The following SLCO1C1 variants were observed in gnomAD, a reference collection of about 807,000 sequenced individuals.
The protein encoded by SLCO1C1 is solute carrier organic anion transporter family member 1C1.
SLCO1C1 carries 70 observed loss-of-function variants against 76.4 expected under a neutral mutation model. That is an observed-to-expected ratio of 0.92 (90% CI 0.76 to 1.12). The LOEUF is 1.12. Ranked by LOEUF, SLCO1C1 falls within the 50% of genes most tolerant of loss-of-function variation. The pLI, the probability that SLCO1C1 is intolerant of heterozygous loss-of-function variation, is 0.00. For missense variants in SLCO1C1, 912 were observed against 823.8 expected, an observed-to-expected ratio of 1.11 and a Z score of -1.31; for synonymous variants, 306 against 286.1, an observed-to-expected ratio of 1.07 and a Z score of -0.70.
chr12:20,713,204 C>G (rs1163532062), intron 5 of SLCO1C1, among the ~76,000 whole-genome samples: 1 of 151,414 alleles, frequency 6.6e-6, no homozygotes, highest in African/African-American at 2.4e-5. Flanking sequence ...CTCAGCCTCC[C>G]GAGTAGCTGG....
intron 12 of SLCO1C1, 76 bp downstream of exon 12, chr12:20,740,444 G>A (rs923516755): frequency 2.9e-6 from 4 of 1,369,280 alleles, no homozygotes; most frequent in Non-Finnish European, 2.0e-6. Flanking sequence ...ATTTTTTTCT[G>A]TGGAGTCTAT....
At chr12:20,738,920 A>T (rs1334283762) in intron 11 of SLCO1C1, among the ~76,000 whole-genome samples, 1 of 152,200 alleles carries the variant, frequency 6.6e-6, no homozygotes, top group East Asian at 1.9e-4. Context: ...ATTACAAAAA[A>T]TCTATATTGC....
In SLCO1C1 at chr12:20,739,284, A is replaced by C. The variant is rs566279898; in HGVS notation, c.1549-900A>C. On this transcript the variant is annotated intron_variant, in intron 11 of 14. Transcript: ENST00000266509. ...CATGGAGGTTACATTCTGTTGGGAA[A>C]GTATGTTTTAAAAATAAGTAAATAC... is the stretch of plus-strand genomic sequence containing the variant. Among the ~76,000 whole-genome samples, 4 of 152,192 alleles carry C rather than the reference A, an allele frequency of 2.6e-5. No individual in the cohort carries two copies. In the South Asian group the frequency reaches 6.2e-4, roughly 24 times the overall value.
intron 9 of SLCO1C1, among the ~76,000 whole-genome samples, chr12:20,724,125 C>T (rs1947814482): frequency 1.3e-5 from 2 of 151,898 alleles, no homozygotes; most frequent in Middle Eastern, 6.8e-3. Flanking sequence ...GGTTACGTTA[C>T]TGAACATTTT....
intron 8 of SLCO1C1, 148 bp from the exon 9 acceptor site, chr12:20,722,942 T>C: frequency 1.5e-6 from 1 of 660,788 alleles, no homozygotes; most frequent in Non-Finnish European, 2.5e-6. Flanking sequence ...TGGCTTACTA[T>C]ATACATAGTG....
chr12:20,750,706 TTTGATTGA>T lies in SLCO1C1; in HGVS notation c.1832_1839del (p.Leu611TyrfsTer9). On this transcript the variant is annotated frameshift_variant, in exon 14 of 15. Transcript: ENST00000266509. LOFTEE classifies it high-confidence loss of function. ...TCCCAGCTCCAGTGTATTTTGGAGT[TTTGATTGA>T]TACTTCATGCCTCAAATGGGGATTT... 1 of 1,614,046 alleles carries T rather than the reference TTTGATTGA, an allele frequency of 6.2e-7. No homozygotes were observed. Among genetic ancestry groups the T allele is most frequent in the Non-Finnish European group, 8.5e-7 (1 of 1,179,920 alleles).
At chr12:20,717,551 T>C (rs1338465212) in intron 7 of SLCO1C1, among the ~76,000 whole-genome samples, 1 of 151,108 alleles carries the variant, frequency 6.6e-6, no homozygotes, top group Non-Finnish European at 1.5e-5. Flanking sequence ...GCTTCAGGTG[T>C]GTCAACATTT....
intron 7 of SLCO1C1, among the ~76,000 whole-genome samples, chr12:20,720,131 G>A (rs1947584158): frequency 6.6e-6 from 1 of 152,142 alleles, no homozygotes. Context: ...CTGAATGACA[G>A]CACATCTTTT....
In SLCO1C1 at chr12:20,711,439, C is replaced by T. The variant is rs181627657; in HGVS notation, c.458C>T (p.Pro153Leu). 2.9e-5 allele frequency: 47 copies of T among 1,613,700 alleles called. No homozygotes were observed. Among genetic ancestry groups the T allele is most frequent in the Admixed American group, 6.7e-5 (4 of 59,998 alleles). The change falls in exon 5 of 15, where the codon CCG (proline) becomes CTG (leucine). Residue 153 changes from proline (P) to leucine (L), a missense_variant. Transcript: ENST00000266509. Reference protein sequence around the residue: ...PSSNSTLSISPCLLESSSQLP... With the variant: ...PSSNSTLSISLCLLESSSQLP... ...TCCAATTCCACTCTCAGCATCTCTC[C>T]GTGTCTCCTAGAGTCAAGCAGTCAA...
chr12:20,722,062 CTTGATT>C lies in SLCO1C1; in HGVS notation c.1021+18_1021+23del, dbSNP rs1415864075. The stretch of plus-strand genomic sequence containing the variant: ...GAAATGGCAAGAGGTAAGTCAAATT[CTTGATT>C]TTGAAGTATTTTCATTTTTCTGTTG... On this transcript the variant is annotated intron_variant, in intron 8 of 14. Transcript: ENST00000266509. The C allele has an allele frequency of 1.2e-6, 2 of 1,606,970 alleles. No homozygotes were observed. The highest frequency in any genetic ancestry group is 1.7e-6 in the Non-Finnish European group (2 of 1,177,208).
chr12:20,719,250 T>C (rs951498402), intron 7 of SLCO1C1, among the ~76,000 whole-genome samples: 2 of 152,096 alleles, frequency 1.3e-5, no homozygotes, highest in African/African-American at 4.8e-5. Flanking sequence ...ATGTTGCATG[T>C]GTTCTGACTG....
intron 4 of SLCO1C1, among the ~76,000 whole-genome samples, chr12:20,709,073 G>A (rs1275465303): frequency 6.6e-6 from 1 of 152,074 alleles, no homozygotes; most frequent in Non-Finnish European, 1.5e-5. Context: ...TTGGAAGCAG[G>A]GAGACTATTT....
intron 7 of SLCO1C1, among the ~76,000 whole-genome samples, chr12:20,717,648 CTTTTTTTTTTTTTTTTTTTTTTTTTTTTT>C (rs534946900): frequency 0.045 from 1,912 of 42,502 alleles, 78 homozygotes; most frequent in Middle Eastern, 0.24. Flanking sequence ...AACAGCCCTT[CTTTTTTTTTTTTTTTTTTTTTTTTTTTTT>C]TTTTTTTTTT....
At chr12:20,730,193 A>G (rs1322874600) in intron 9 of SLCO1C1, among the ~76,000 whole-genome samples, 1 of 152,208 alleles carries the variant, frequency 6.6e-6, no homozygotes, top group Admixed American at 6.5e-5. Context: ...TTCATAAACC[A>G]ATTTTGGGGA....
At chr12:20,749,756 C>T (rs1164222830) in intron 13 of SLCO1C1, among the ~76,000 whole-genome samples, 3 of 152,170 alleles carry the variant, frequency 2.0e-5, no homozygotes, top group Non-Finnish European at 2.9e-5. Flanking sequence ...GGTGAGCTTA[C>T]AGTCTAGCAG....
At chr12:20,729,212 G>T (rs1441985837) in intron 9 of SLCO1C1, among the ~76,000 whole-genome samples, 2 of 152,126 alleles carry the variant, frequency 1.3e-5, no homozygotes, top group Non-Finnish European at 2.9e-5. Flanking sequence ...TTATCAGCTT[G>T]ACCCACCATG....
intron 9 of SLCO1C1, among the ~76,000 whole-genome samples, chr12:20,724,259 A>G (rs974393690): frequency 1.3e-5 from 2 of 151,572 alleles, no homozygotes; most frequent in African/African-American, 4.8e-5. Context: ...TGATTTTAAC[A>G]TGAATAGATG....
At chr12:20,701,296 T>C (rs1946514512) in intron 2 of SLCO1C1, 22 bp from the exon 3 acceptor site, 9 of 1,480,298 alleles carry the variant, frequency 6.1e-6, no homozygotes, top group Non-Finnish European at 8.2e-6. Flanking sequence ...TCAGACTAAG[T>C]GTGACCTGTC....
chr12:20,751,749 C>T (rs1375871430), intron 14 of SLCO1C1, among the ~76,000 whole-genome samples: 1 of 152,074 alleles, frequency 6.6e-6, no homozygotes, highest in Non-Finnish European at 1.5e-5. Flanking sequence ...TCTTCCATAC[C>T]TTAGCATCTT....
Sources: allele counts gnomAD v4.1 joint callset (sites outside exome capture counted in the v4.1 genomes callset), GRCh38; gene constraint gnomAD v4.1.1; transcripts MANE v1.5; gene names NCBI Gene and HGNC (gene_info 2026-07-23, HGNC 2026-07-21).